The following TENM3 variants were observed in gnomAD, a reference collection of about 807,000 sequenced individuals.
The protein encoded by TENM3 is teneurin transmembrane protein 3, also known as teneurin-3.
In TENM3, 63 loss-of-function variants were observed where a neutral mutation model predicts 255.1. The observed-to-expected ratio is 0.25, with a 90% confidence interval of 0.20 to 0.30. The LOEUF (loss-of-function observed/expected upper bound fraction) is 0.30, where lower values mean the gene tolerates loss of function less well. TENM3 is among the 10% of genes least tolerant of loss of function. The probability of loss-of-function intolerance (pLI) is 1.00; values close to 1 mark genes in which losing one functional copy is unlikely to be tolerated. For missense variants in TENM3, 2,929 were observed against 3,461.1 expected (o/e 0.85, Z 3.86); for synonymous variants, 1,306 against 1,322.3 (o/e 0.99, Z 0.27).
intron 1 of TENM3, among the ~76,000 whole-genome samples, chr4:182,169,660 C>A (rs1014274516): frequency 6.6e-6 from 1 of 152,110 alleles, no homozygotes; most frequent in African/African-American, 2.4e-5. Context: ...GATATCTCTA[C>A]TACAGTAATA....
At chr4:182,284,187 C>T (rs1209976941) in intron 1 of TENM3, among the ~76,000 whole-genome samples, 1 of 152,204 alleles carries the variant, frequency 6.6e-6, no homozygotes, top group African/African-American at 2.4e-5. Context: ...ACCTGCCTCT[C>T]TCCTCTGACT....
At chr4:181,580,354 G>A in the TENM3 span, among the ~76,000 whole-genome samples, 1 of 152,216 alleles carries the variant, frequency 6.6e-6, no homozygotes, top group East Asian at 1.9e-4. Context: ...CCGACTGAGA[G>A]GCTCCTGGGC....
At chr4:182,670,705 A>C (rs1485872503) in intron 6 of TENM3, among the ~76,000 whole-genome samples, 1 of 152,154 alleles carries the variant, frequency 6.6e-6, no homozygotes, top group Non-Finnish European at 1.5e-5. Flanking sequence ...TTTATCTGTA[A>C]GTGTGAATTT....
chr4:182,087,837 TA>T, the TENM3 span, among the ~76,000 whole-genome samples: 4 of 152,314 alleles, frequency 2.6e-5, no homozygotes, highest in Admixed American at 2.0e-4. Context: ...TTACACTTCT[TA>T]CACTTAGAAT....
At chr4:181,990,083 G>A in the TENM3 span, among the ~76,000 whole-genome samples, 1 of 152,086 alleles carries the variant, frequency 6.6e-6, no homozygotes, top group African/African-American at 2.4e-5. Context: ...TTAGTACAAT[G>A]TATAGTACTA....
chr4:181,888,361 C>A, the TENM3 span, among the ~76,000 whole-genome samples: 1 of 150,990 alleles, frequency 6.6e-6, no homozygotes, highest in Non-Finnish European at 1.5e-5. Context: ...CATTTCCCAA[C>A]CTGCACCCAG....
chr4:182,042,578 C>CA, the TENM3 span, among the ~76,000 whole-genome samples: 1 of 151,918 alleles, frequency 6.6e-6, no homozygotes, highest in Non-Finnish European at 1.5e-5. Flanking sequence ...CAAAATTTAG[C>CA]AAAAAGTTTT....
At chr4:182,397,347 G>C (rs987067729) in intron 3 of TENM3, among the ~76,000 whole-genome samples, 1 of 136,164 alleles carries the variant, frequency 7.3e-6, no homozygotes, top group East Asian at 2.3e-4. Flanking sequence ...GGTGCAGTGA[G>C]CCGAGATCGC....
intron 2 of TENM3, among the ~76,000 whole-genome samples, chr4:182,332,991 T>G (rs1763878410): frequency 6.6e-6 from 1 of 152,124 alleles, no homozygotes; most frequent in East Asian, 1.9e-4. Context: ...AAAATATGAG[T>G]AACCCCAAAA....
the TENM3 span, among the ~76,000 whole-genome samples, chr4:181,926,024 A>G: frequency 6.6e-6 from 1 of 152,150 alleles, no homozygotes; most frequent in Non-Finnish European, 1.5e-5. Flanking sequence ...AAGTCACATG[A>G]CCTCACCCTT....
chr4:182,650,566 T>C (rs1304038410), intron 5 of TENM3, among the ~76,000 whole-genome samples: 1 of 149,908 alleles, frequency 6.7e-6, no homozygotes, highest in African/African-American at 2.4e-5. Flanking sequence ...TTCTTGACTT[T>C]CATGAGTTTG....
At chr4:181,475,307 T>G in the TENM3 span, among the ~76,000 whole-genome samples, 5 of 152,246 alleles carry the variant, frequency 3.3e-5, no homozygotes. Flanking sequence ...CGTATTCATC[T>G]GGTGCTCTTT....
chr4:182,702,074 T>A (rs1757917566), intron 12 of TENM3, among the ~76,000 whole-genome samples: 1 of 152,258 alleles, frequency 6.6e-6, no homozygotes, highest in African/African-American at 2.4e-5. Context: ...TACACTTTTT[T>A]AGAAAAGATT....
chr4:182,629,436 T>C (rs7693901), intron 5 of TENM3, among the ~76,000 whole-genome samples: 19,571 of 152,224 alleles, frequency 0.13, 2,069 homozygotes, highest in East Asian at 0.46. Flanking sequence ...TCTCTTCTGA[T>C]GTAGTATTGA....
At chr4:182,072,659 C>A in the TENM3 span, among the ~76,000 whole-genome samples, 1 of 152,166 alleles carries the variant, frequency 6.6e-6, no homozygotes, top group Admixed American at 6.5e-5. Flanking sequence ...TCTCATCAAA[C>A]GTATCATGAG....
intron 1 of TENM3, among the ~76,000 whole-genome samples, chr4:182,272,571 C>T (rs895316432): frequency 2.0e-5 from 3 of 152,172 alleles, no homozygotes; most frequent in Admixed American, 6.5e-5. Flanking sequence ...CACTGGTTTC[C>T]CGCAGAGGCA....
the TENM3 span, among the ~76,000 whole-genome samples, chr4:181,470,683 T>C: frequency 2.7e-4 from 41 of 152,304 alleles, 1 homozygote; most frequent in South Asian, 7.7e-3. Context: ...TTCAGAAATA[T>C]GTGAACATTA....
the TENM3 span, among the ~76,000 whole-genome samples, chr4:182,088,111 C>T: frequency 6.6e-6 from 1 of 152,208 alleles, no homozygotes; most frequent in African/African-American, 2.4e-5. Flanking sequence ...TATACATATA[C>T]ACACACGTTT....
At chr4:182,787,870 C>T (rs1765802983) in intron 24 of TENM3, among the ~76,000 whole-genome samples, 1 of 152,026 alleles carries the variant, frequency 6.6e-6, no homozygotes, top group Non-Finnish European at 1.5e-5. Context: ...GCTGCCATTC[C>T]ACGGACTTCA....
Sources: gnomAD v4.1 joint callset for allele counts (sites outside exome capture counted in the v4.1 genomes callset) on GRCh38, gnomAD v4.1.1 for gene constraint, MANE v1.5 for transcripts, NCBI Gene and HGNC (gene_info 2026-07-23, HGNC 2026-07-21) for gene names.